Variants in NEB observed in about 807,000 individuals in gnomAD.
NEB encodes the protein nemaline myopathy type 2.
A neutral mutation model predicts 952.2 loss-of-function variants in NEB; 512 were observed. That is an observed-to-expected ratio of 0.54 (90% CI 0.50 to 0.58). The LOEUF (loss-of-function observed/expected upper bound fraction) is 0.58. NEB is among the 20% of genes least tolerant of loss of function. NEB has a pLI of 0.00. For missense variants in NEB, 8,428 were observed against 9,231.1 expected, an observed-to-expected ratio of 0.91 and a Z score of 3.56; for synonymous variants, 2,900 against 3,149.8, an observed-to-expected ratio of 0.92 and a Z score of 2.66.
chr2:151,513,769 A>G, intron 159 of NEB, 76 bp from the exon 160 acceptor site: 2 of 1,013,554 alleles, frequency 2.0e-6, no homozygotes, highest in Non-Finnish European at 3.0e-6. Flanking sequence ...GGTGAATGTA[A>G]ATCCACATAA....
At chr2:151,594,596 C>A (rs1350148012) in intron 92 of NEB, among the ~76,000 whole-genome samples, 1 of 137,202 alleles carries the variant, frequency 7.3e-6, no homozygotes, top group Non-Finnish European at 1.6e-5. Context: ...CTATGCCGGA[C>A]ACTATTATGA....
rs755863625 is a variant in NEB, at chr2:151,494,189, ACT to A, written c.24549_24550del (p.Arg8183SerfsTer9). 8.1e-6 allele frequency: 13 copies of A among 1,607,942 alleles called. No individual in the cohort carries two copies. Among genetic ancestry groups the A allele is most frequent in the Middle Eastern group, 1.7e-4 (1 of 6,052 alleles). ...GCTAATGTTTTCTTGATTGCGTTTG[ACT>A]CTCTGCATCTCAGGAGTGACAGGGG... On this transcript the variant is annotated frameshift_variant, in exon 174 of 182. Transcript: ENST00000397345. LOFTEE classifies it high-confidence loss of function.
intron 63 of NEB, among the ~76,000 whole-genome samples, chr2:151,637,515 T>C (rs1449550806): frequency 6.6e-6 from 1 of 152,134 alleles, no homozygotes; most frequent in Non-Finnish European, 1.5e-5. Context: ...CTTTTTAACA[T>C]CAGAGGGGAG....
chr2:151,674,385 A>G (rs948017740), intron 36 of NEB, 92 bp downstream of exon 36: 6 of 977,538 alleles, frequency 6.1e-6, no homozygotes, highest in Non-Finnish European at 9.7e-6. Flanking sequence ...TTAATTTAAC[A>G]TATTTCTTTC....
intron 130 of NEB, 52 bp from the exon 131 acceptor site, chr2:151,548,467 A>G (rs1300185754): frequency 2.0e-5 from 24 of 1,211,808 alleles, no homozygotes; most frequent in South Asian, 1.4e-4. Context: ...AAGGACCAAC[A>G]TTACATTTCT....
At chr2:151,670,861 A>G (rs533601461) in intron 38 of NEB, among the ~76,000 whole-genome samples, 162 bp downstream of exon 38, 13 of 152,316 alleles carry the variant, frequency 8.5e-5, no homozygotes, top group Admixed American at 6.5e-4. Context: ...CATGTTCAAG[A>G]TCCCAGTTGC....
At chr2:151,731,345 C>T (rs372447162) in intron 3 of NEB, among the ~76,000 whole-genome samples, 5 of 152,242 alleles carry the variant, frequency 3.3e-5, no homozygotes, top group South Asian at 4.1e-4. Context: ...TCTTTCTTTT[C>T]AAGTTTAAGT....
At position 151,672,518 on chromosome 2, in the gene NEB, G is replaced by T. The variant is rs2099313281; in HGVS notation, c.4150C>A (p.Pro1384Thr). Residue 1384 changes from proline (P) to threonine (T), a missense_variant, in exon 37 of 182, where the codon CCT (proline) becomes ACT (threonine). Coordinates refer to ENST00000397345, the MANE Select transcript of NEB (RefSeq NM_001164508.2). ...YENTKTSYHT[P>T]GDMVSITAAK... ...GCTGTGATGCTAACCATGTCCCCAGGGGTATGGTAGCTGGTTTTGGTGTTC... is the reference window on the plus strand; with the variant it reads ...GCTGTGATGCTAACCATGTCCCCAGTGGTATGGTAGCTGGTTTTGGTGTTC... 2 of 1,613,872 alleles carry T rather than the reference G, an allele frequency of 1.2e-6. No homozygotes were observed. Among genetic ancestry groups the T allele is most frequent in the Admixed American group, 3.3e-5 (2 of 59,992 alleles).
intron 167 of NEB, among the ~76,000 whole-genome samples, chr2:151,501,946 A>G (rs1226143199): frequency 6.6e-6 from 1 of 152,210 alleles, no homozygotes; most frequent in African/African-American, 2.4e-5. Flanking sequence ...AAATTAATTT[A>G]TATCTTACAT....
At chr2:151,489,879 T>TAA in intron 181 of NEB, 92 bp downstream of exon 181, 1 of 944,522 alleles carries the variant, frequency 1.1e-6, no homozygotes, top group Non-Finnish European at 1.6e-6. Context: ...AAGGTTTGGT[T>TAA]AAAAAAAACC....
At chr2:151,705,478 A>T (rs1246440660) in intron 13 of NEB, among the ~76,000 whole-genome samples, 1 of 152,224 alleles carries the variant, frequency 6.6e-6, no homozygotes, top group Non-Finnish European at 1.5e-5. Flanking sequence ...TATGGGTGGG[A>T]ATATAAATTA....
rs904051395 is a variant in NEB, at chr2:151,639,356, T to G, written c.8918A>C (p.Asp2973Ala). ...TGGCATTATGTGGATCTGAGTCTTG[T>G]CTTTGTCCCAGGCTTCTGTGTATAA... Reference protein sequence around the residue: ...KRLYTEAWDKDKTQIHIMPDT... With the variant: ...KRLYTEAWDKAKTQIHIMPDT... Residue 2973 changes from aspartate to alanine, a missense_variant, in exon 63 of 182, where the codon GAC (aspartate) becomes GCC (alanine). Coordinates refer to ENST00000397345, the MANE Select transcript of NEB (RefSeq NM_001164508.2). 2.6e-6 allele frequency: 4 copies of G among 1,546,266 alleles called. No individual in the cohort carries two copies. Among genetic ancestry groups the G allele is most frequent in the Middle Eastern group, 1.7e-4 (1 of 6,000 alleles).
chr2:151,678,043 T>C lies in NEB; in HGVS notation c.3400A>G (p.Lys1134Glu). Reference protein sequence around the residue: ...REYKKDYEKTKSKYNTPHDMF... With the variant: ...REYKKDYEKTESKYNTPHDMF... ...TCATGGGGCGTGTTGTATTTGGACT[T>C]TGTCTTCTCATAGTCTTTTTTATAC... is the stretch of plus-strand genomic sequence containing the variant. The change falls in exon 33 of 182, where the codon AAG becomes GAG. Residue 1134 changes from lysine to glutamate, a missense_variant. Lys to Glu is a moderately conservative substitution (Grantham distance 56). Coordinates refer to ENST00000397345, the MANE Select transcript of NEB (RefSeq NM_001164508.2). 6.2e-7 allele frequency: 1 copy of C among 1,613,994 alleles called. No homozygotes were observed.
In NEB at chr2:151,618,418, A is replaced by G; in HGVS notation, c.10933T>C (p.Leu3645=). 6.2e-7 allele frequency: 1 copy of G among 1,613,932 alleles called. No individual in the cohort carries two copies. Among genetic ancestry groups the G allele is most frequent in the South Asian group, 1.1e-5 (1 of 91,088 alleles). ...KGIGWVPIDS[L]EVVRAKRAGE... ...GCTCTCTTGGCCCTAACAACTTCCA[A>G]GGAATCAATCGGAACCCAGCCAATG... Residue 3645 remains leucine (L), a synonymous_variant, in exon 74 of 182, where the codon TTG becomes CTG. Coordinates refer to ENST00000397345, the MANE Select transcript of NEB (RefSeq NM_001164508.2).
intron 71 of NEB, among the ~76,000 whole-genome samples, chr2:151,622,966 A>G (rs1384707373): frequency 2.6e-5 from 4 of 152,210 alleles, no homozygotes; most frequent in Non-Finnish European, 5.9e-5. Context: ...TTATGAAAGA[A>G]GTGGGATGCC....
rs1410164087 is a variant in NEB at position 151,678,187 on chromosome 2, C to A, written c.3256G>T (p.Val1086Phe). Residue 1086 changes from valine (V) to phenylalanine (F), a missense_variant and splice_region_variant, in exon 33 of 182, where the codon GTT becomes TTT. Physicochemically the swap from Val to Phe is conservative, Grantham distance 50. This residue lies in a region of NEB where 2,851 missense variants were observed against 2,791.5 expected (regional missense o/e 1.02). Transcript: ENST00000397345. ...TTTTCATAGTCTTTTTTGTACTGAACCTATTGTAAACAAAGGTGGGCATAA... is the reference window on the plus strand; with the variant it reads ...TTTTCATAGTCTTTTTTGTACTGAAACTATTGTAAACAAAGGTGGGCATAA... ...AKAARQAASD[V>F]QYKKDYEKAK... 1 of 1,578,084 alleles carries A rather than the reference C, an allele frequency of 6.3e-7. No individual in the cohort carries two copies. The highest frequency in any genetic ancestry group is 8.6e-7 in the Non-Finnish European group (1 of 1,160,032).
At chr2:151,677,481 A>C in intron 34 of NEB, 84 bp downstream of exon 34, 2 of 1,047,522 alleles carry the variant, frequency 1.9e-6, no homozygotes, top group Non-Finnish European at 2.6e-6. Context: ...ATATTGGCCC[A>C]GAAAAAAAAT....
rs201462794 is a variant in NEB, at chr2:151,565,105, G to A, written c.18410C>T (p.Thr6137Met). 63 of 1,598,560 alleles carry A rather than the reference G, an allele frequency of 3.9e-5. 1 individual carries two copies. The African/African-American group carries it at 4.8e-4, about 12-fold the overall frequency. Residue 6137 changes from threonine to methionine, a missense_variant, in exon 117 of 182, where the codon ACG (threonine) becomes ATG (methionine). Physicochemically the swap from Thr to Met is moderately conservative, Grantham distance 81. Coordinates refer to ENST00000397345, the MANE Select transcript of NEB (RefSeq NM_001164508.2). ...GATATGTGGTGTATCTGGTGAAAACGTATATTTGCCCTTTGCTTTATTAAA... is the reference window on the plus strand; with the variant it reads ...GATATGTGGTGTATCTGGTGAAAACATATATTTGCCCTTTGCTTTATTAAA... ...ETFNKAKGKY[T>M]FSPDTPHISH...
In NEB at chr2:151,519,841, A is replaced by C. The variant is rs539739216; in HGVS notation, c.22480-73T>G. ...TTGGGAATTGGGGAATAGTAGAAAC[A>C]CAAATGCCAAAGAATATGCATTGTA... On this transcript the variant is annotated intron_variant, in intron 153 of 181. Coordinates refer to ENST00000397345, the MANE Select transcript of NEB (RefSeq NM_001164508.2). 4.8e-4 allele frequency: 468 copies of C among 977,160 alleles called. 1 individual carries two copies. In the African/African-American group the frequency reaches 6.8e-3, roughly 14 times the overall value. 60.5% of individuals were successfully genotyped at this position (977,160 alleles called of 1,614,324 possible).
Sources: allele counts gnomAD v4.1 joint callset (sites outside exome capture counted in the v4.1 genomes callset), GRCh38; gene constraint gnomAD v4.1.1; regional missense constraint gnomAD v4.1.1; transcripts MANE v1.5; gene names NCBI Gene and HGNC (gene_info 2026-07-23, HGNC 2026-07-21).